MON2: variants seen among roughly 807,000 people sequenced by gnomAD.
MON2 encodes MON2 regulator of endosome-to-Golgi trafficking, also known as protein MON2 homolog.
MON2 carries 84 observed loss-of-function variants against 208.6 expected under a neutral mutation model. The ratio of observed to expected loss-of-function variants is 0.40; its 90% CI spans 0.34 to 0.48. The LOEUF (loss-of-function observed/expected upper bound fraction) is 0.48. MON2 is among the 20% of genes least tolerant of loss of function. The probability of loss-of-function intolerance (pLI) is 0.59; values close to 1 mark genes in which losing one functional copy is unlikely to be tolerated. For synonymous variants in MON2, 660 were observed against 694.0 expected (o/e 0.95, Z 0.77); for missense variants, 1,611 against 2,015.4 (o/e 0.80, Z 3.84).
intron 8 of MON2, among the ~76,000 whole-genome samples, chr12:62,521,557 T>C (rs866831163): frequency 6.6e-6 from 1 of 152,198 alleles, no homozygotes; most frequent in African/African-American, 2.4e-5. Flanking sequence ...TGGGAATGAC[T>C]ACCCTAGAGA....
chr12:62,542,857 C>T (rs2073300616), intron 19 of MON2, among the ~76,000 whole-genome samples: 1 of 152,058 alleles, frequency 6.6e-6, no homozygotes, highest in African/African-American at 2.4e-5. Flanking sequence ...GATTTTCATC[C>T]CTCCACTATT....
At chr12:62,585,795 T>C (rs1565716246) in intron 33 of MON2, 2 of 199,706 alleles carry the variant, frequency 1.0e-5, no homozygotes, top group Non-Finnish European at 2.0e-5. Context: ...CCAAAATATA[T>C]CTTCTTCCAG....
intron 29 of MON2, among the ~76,000 whole-genome samples, chr12:62,568,746 G>A (rs931511749): frequency 2.6e-5 from 4 of 151,928 alleles, no homozygotes; most frequent in African/African-American, 7.3e-5. Flanking sequence ...TCCACCTCCC[G>A]GGTTCAAGCA....
Position 62,596,976 on chromosome 12 carries a change from G to C in MON2, c.*4227G>C, listed in dbSNP as rs1330789452. On this transcript the variant is annotated 3_prime_UTR_variant, in exon 35 of 35. Coordinates refer to ENST00000393630, the MANE Select transcript of MON2 (RefSeq NM_015026.3). ...CTCGACTAATTCTGAGGCAATGATG[G>C]ACAGAGATGCTACTTCTTATTTAAC... is the stretch of plus-strand genomic sequence containing the variant. 2.0e-5 allele frequency: 3 copies of C among 152,152 alleles called. No individual in the cohort carries two copies. Among genetic ancestry groups the C allele is most frequent in the Non-Finnish European group, 2.9e-5 (2 of 68,008 alleles). The allele number at this position is 152,152 out of a possible 1,614,324, so 9.4% of individuals were successfully genotyped here. A position where few individuals can be genotyped will look rare whatever the true frequency, so the allele number is the denominator to read the frequency against.
intron 24 of MON2, among the ~76,000 whole-genome samples, chr12:62,553,544 A>G (rs1395151388): frequency 6.6e-6 from 1 of 152,156 alleles, no homozygotes; most frequent in South Asian, 2.1e-4. Flanking sequence ...TGTTTGTTTT[A>G]CTTTTGAGGT....
At position 62,535,685 on chromosome 12, in the gene MON2, A is replaced by C. The variant is rs137984661; in HGVS notation, c.1876A>C (p.Thr626Pro). 1.9e-6 allele frequency: 3 copies of C among 1,610,264 alleles called. No individual in the cohort carries two copies. The African/African-American group carries it at 4.0e-5, about 22-fold the overall frequency. The change falls in exon 14 of 35, where the codon ACT becomes CCT. Residue 626 changes from threonine (T) to proline (P), a missense_variant. Transcript: ENST00000393630. Reference sequence around the variant, plus strand: ...TGCTCTTACTGTATTGAATACCACCACTGCAGCTACACTTTCCAACAAATG... The same window carrying C: ...TGCTCTTACTGTATTGAATACCACCCCTGCAGCTACACTTTCCAACAAATG... Reference protein sequence around the residue: ...HYALTVLNTTTAATLSNKSYS... With the variant: ...HYALTVLNTTPAATLSNKSYS...
intron 19 of MON2, among the ~76,000 whole-genome samples, chr12:62,540,469 G>C (rs1192748121): frequency 4.6e-5 from 7 of 152,116 alleles, no homozygotes; most frequent in Admixed American, 1.3e-4. Context: ...GTAGGATTTA[G>C]GTAGGAAAGG....
intron 2 of MON2, among the ~76,000 whole-genome samples, chr12:62,491,449 C>A (rs2070135423): frequency 6.6e-6 from 1 of 152,056 alleles, no homozygotes; most frequent in Admixed American, 6.6e-5. Context: ...GCATCTTAAA[C>A]CCTATGAAAG....
intron 8 of MON2, among the ~76,000 whole-genome samples, chr12:62,510,925 A>C (rs2071364118): frequency 6.6e-6 from 1 of 152,250 alleles, no homozygotes; most frequent in African/African-American, 2.4e-5. Context: ...GTTAGAACTA[A>C]TAAACATAGC....
chr12:62,467,660 C>T (rs948085182), intron 1 of MON2, among the ~76,000 whole-genome samples: 2 of 152,156 alleles, frequency 1.3e-5, no homozygotes, highest in Admixed American at 1.3e-4. Flanking sequence ...TGTTGCTCCC[C>T]GAAACGAGTA....
At chr12:62,523,107 T>C (rs920364131) in intron 8 of MON2, among the ~76,000 whole-genome samples, 1 of 152,190 alleles carries the variant, frequency 6.6e-6, no homozygotes, top group Non-Finnish European at 1.5e-5. Flanking sequence ...AAAGCTGATA[T>C]TGCACTTGTT....
rs548036690 is a variant in MON2, at chr12:62,493,905, C to T, written c.176-10C>T. The T allele has an allele frequency of 1.3e-4, 205 of 1,534,736 alleles. 2 individuals are homozygous for T. In the South Asian group the frequency reaches 2.4e-3, roughly 18 times the overall value. On this transcript the variant is annotated splice_polypyrimidine_tract_variant and intron_variant, in intron 2 of 34. Coordinates refer to ENST00000393630, the MANE Select transcript of MON2 (RefSeq NM_015026.3). ...TTTAATAATTTACTTTATATGTGTT[C>T]TAAATGAAGCACTGAAAGAGAACAG...
Position 62,594,328 on chromosome 12 carries a change from C to T in MON2, c.*1579C>T, listed in dbSNP as rs2075476521. The stretch of plus-strand genomic sequence containing the variant: ...TATAATTGTATAATTATTTAATTTG[C>T]ATTATCTGTAAAATGTAGTAAGGTC... On this transcript the variant is annotated 3_prime_UTR_variant, in exon 35 of 35. Coordinates refer to ENST00000393630, the MANE Select transcript of MON2 (RefSeq NM_015026.3). The T allele has an allele frequency of 6.6e-6, 1 of 152,020 alleles. No homozygotes were observed. The highest frequency in any genetic ancestry group is 1.5e-5 in the Non-Finnish European group (1 of 67,980). The allele number at this position is 152,020 out of a possible 1,614,324, so 9.4% of individuals were successfully genotyped here.
chr12:62,516,263 C>A (rs1292020692), intron 8 of MON2, among the ~76,000 whole-genome samples: 2 of 151,622 alleles, frequency 1.3e-5, no homozygotes, highest in African/African-American at 4.9e-5. Context: ...ATGATGGTTA[C>A]CAGCAGCTGG....
chr12:62,550,909 CTTTTTTTTT>C (rs869160726), intron 23 of MON2, among the ~76,000 whole-genome samples: 17 of 43,814 alleles, frequency 3.9e-4, no homozygotes, highest in African/African-American at 9.4e-4. Context: ...TTCTTTCTTT[CTTTTTTTTT>C]TTTTTTTTTT....
intron 2 of MON2, among the ~76,000 whole-genome samples, chr12:62,492,711 T>C (rs1045489712): frequency 1.5e-4 from 21 of 140,620 alleles, no homozygotes; most frequent in Non-Finnish European, 2.8e-4. Context: ...CCAGGCACGG[T>C]GGCTCACGCC....
chr12:62,470,645 G>T, intron 1 of MON2: 1 of 814,018 alleles, frequency 1.2e-6, no homozygotes. Context: ...CAACTCTGAA[G>T]CTTTATGTTT....
chr12:62,594,029 GA>G lies in MON2; in HGVS notation c.*1281del, dbSNP rs1592497672. 6.6e-6 allele frequency: 1 copy of G among 152,216 alleles called. No homozygotes were observed. The highest frequency in any genetic ancestry group is 1.9e-4 in the East Asian group (1 of 5,190). 9.4% of individuals were successfully genotyped at this position (152,216 alleles called of 1,614,324 possible). On this transcript the variant is annotated 3_prime_UTR_variant, in exon 35 of 35. Transcript: ENST00000393630. ...TACCTTAATTATTTCTTAAAATACT[GA>G]CTTTGACCTAGCTCACTGTATTTTT...
At chr12:62,565,485 C>CCG in intron 27 of MON2, 105 bp downstream of exon 27, 9 of 995,458 alleles carry the variant, frequency 9.0e-6, no homozygotes, top group South Asian at 1.7e-5. Flanking sequence ...GGATACTTTT[C>CCG]ACTCACAAAT....
Sources: gnomAD v4.1 joint callset for allele counts (sites outside exome capture counted in the v4.1 genomes callset) on GRCh38, gnomAD v4.1.1 for gene constraint, MANE v1.5 for transcripts, NCBI Gene and HGNC (gene_info 2026-07-23, HGNC 2026-07-21) for gene names.